ITPR1: variants seen among roughly 807,000 people sequenced by gnomAD.
The protein encoded by ITPR1 is inositol 1,4,5-trisphosphate receptor type 1.
ITPR1 carries 96 observed loss-of-function variants against 318.4 expected under a neutral mutation model. The observed-to-expected ratio is 0.30, with a 90% CI of 0.26 to 0.36. The LOEUF (loss-of-function observed/expected upper bound fraction) is 0.36, where lower values mean the gene tolerates loss of function less well. ITPR1 is among the 10% of genes least tolerant of loss of function. The probability of loss-of-function intolerance (pLI) is 1.00; values close to 1 mark genes in which losing one functional copy is unlikely to be tolerated. For missense variants in ITPR1, 2,440 were observed against 3,460.2 expected, an observed-to-expected ratio of 0.71 and a Z score of 7.40; for synonymous variants, 1,312 against 1,289.9, an observed-to-expected ratio of 1.02 and a Z score of -0.37.
chr3:4,561,831 T>A lies in ITPR1; in HGVS notation c.163+40737T>A, dbSNP rs558865698. On this transcript the variant is annotated intron_variant, in intron 4 of 61. Coordinates refer to ENST00000649015, the MANE Select transcript of ITPR1 (RefSeq NM_001378452.1). The stretch of plus-strand genomic sequence containing the variant: ...TTTAAAATATAAACAGATAACTGTT[T>A]GTTTTGCTCAAAGGTCACATTGAGG... Among the ~76,000 whole-genome samples the A allele has an allele frequency of 8.5e-5, 13 of 152,248 alleles. No homozygotes were observed. The South Asian group carries it at 1.5e-3, about 17-fold the overall frequency.
chr3:4,788,159 C>G lies in ITPR1; in HGVS notation c.6808+20C>G, dbSNP rs2047322717. ...TGAGAGGTGGGTTCCAACGCATCAG[C>G]AACAACACAGAGAGACACAGTTCTG... On this transcript the variant is annotated intron_variant, in intron 52 of 61. Transcript: ENST00000649015. 6.4e-7 allele frequency: 1 copy of G among 1,573,550 alleles called. No individual in the cohort carries two copies. The highest frequency in any genetic ancestry group is 8.7e-7 in the Non-Finnish European group (1 of 1,154,576).
chr3:4,585,593 C>T (rs972932539), intron 4 of ITPR1, among the ~76,000 whole-genome samples: 1 of 151,998 alleles, frequency 6.6e-6, no homozygotes, highest in Non-Finnish European at 1.5e-5. Context: ...TGCACCACCA[C>T]GCCCGGCTAA....
intron 44 of ITPR1, among the ~76,000 whole-genome samples, chr3:4,763,432 G>T (rs1438622959): frequency 6.6e-6 from 1 of 152,100 alleles, no homozygotes; most frequent in Non-Finnish European, 1.5e-5. Context: ...TTGAGGCACT[G>T]GTTGTATATC....
chr3:4,778,569 T>C (rs1352683227), intron 48 of ITPR1, among the ~76,000 whole-genome samples: 1 of 152,258 alleles, frequency 6.6e-6, no homozygotes, highest in Non-Finnish European at 1.5e-5. Flanking sequence ...AATGGACTTT[T>C]TTTCTGCTAT....
chr3:4,820,910 G>T (rs1043382006), intron 60 of ITPR1, among the ~76,000 whole-genome samples: 11 of 152,194 alleles, frequency 7.2e-5, no homozygotes, highest in African/African-American at 2.4e-4. Flanking sequence ...GGGGGCTGGG[G>T]CCCCATGGGA....
At chr3:4,631,716 C>T (rs886425946) in intron 5 of ITPR1, among the ~76,000 whole-genome samples, 1 of 152,028 alleles carries the variant, frequency 6.6e-6, no homozygotes, top group African/African-American at 2.4e-5. Context: ...TTAAGTAGTA[C>T]TTGCACGTTT....
chr3:4,762,915 A>G (rs1316442053), intron 44 of ITPR1, among the ~76,000 whole-genome samples: 1 of 152,254 alleles, frequency 6.6e-6, no homozygotes, highest in Admixed American at 6.5e-5. Flanking sequence ...ACTCTTCATA[A>G]TAGCAAAGAC....
At chr3:4,806,403 G>T (rs2048555729) in intron 55 of ITPR1, 136 bp downstream of exon 55, 1 of 861,690 alleles carries the variant, frequency 1.2e-6, no homozygotes, top group Non-Finnish European at 1.8e-6. Flanking sequence ...TCCACAGTTG[G>T]CAGCCTTTGG....
intron 44 of ITPR1, among the ~76,000 whole-genome samples, chr3:4,738,997 G>T (rs1237712759): frequency 6.6e-6 from 1 of 152,222 alleles, no homozygotes; most frequent in Non-Finnish European, 1.5e-5. Flanking sequence ...GAGGCCGATG[G>T]TTCCAGGAAA....
At chr3:4,775,023 T>C (rs895182966) in intron 46 of ITPR1, among the ~76,000 whole-genome samples, 4 of 152,208 alleles carry the variant, frequency 2.6e-5, no homozygotes, top group Non-Finnish European at 5.9e-5. Context: ...ACTTACACCT[T>C]GGAGAGCAGG....
chr3:4,545,885 C>T (rs1166753191), intron 4 of ITPR1, among the ~76,000 whole-genome samples: 3 of 151,674 alleles, frequency 2.0e-5, no homozygotes, highest in South Asian at 2.1e-4. Context: ...TTTGTAGAGA[C>T]GGGATCTCAC....
intron 45 of ITPR1, among the ~76,000 whole-genome samples, chr3:4,767,687 G>A (rs2045909084): frequency 6.6e-6 from 1 of 152,174 alleles, no homozygotes; most frequent in African/African-American, 2.4e-5. Flanking sequence ...TCTGGCTGAT[G>A]TTTAAAACAA....
intron 4 of ITPR1, among the ~76,000 whole-genome samples, chr3:4,568,566 G>A (rs751319274): frequency 1.3e-5 from 2 of 152,158 alleles, no homozygotes; most frequent in Non-Finnish European, 2.9e-5. Flanking sequence ...AGGCAGGGAT[G>A]GCTTCAAGAT....
At chr3:4,584,856 T>C (rs2089723326) in intron 4 of ITPR1, among the ~76,000 whole-genome samples, 1 of 152,022 alleles carries the variant, frequency 6.6e-6, no homozygotes. Flanking sequence ...TCATAGGAGA[T>C]GAAGCAAATG....
intron 2 of ITPR1, among the ~76,000 whole-genome samples, chr3:4,494,999 G>A (rs2080439183): frequency 6.6e-6 from 1 of 152,188 alleles, no homozygotes; most frequent in Non-Finnish European, 1.5e-5. Context: ...AAAAAGGGAA[G>A]TGAGTTATTG....
chr3:4,690,209 A>G (rs1257904691), intron 31 of ITPR1, among the ~76,000 whole-genome samples: 3 of 152,202 alleles, frequency 2.0e-5, no homozygotes, highest in African/African-American at 7.2e-5. Flanking sequence ...CAGGAGGTGG[A>G]GGTTGCAGTG....
At chr3:4,830,949 G>A (rs2050438402) in intron 60 of ITPR1, 1 of 456,296 alleles carries the variant, frequency 2.2e-6, no homozygotes, top group African/African-American at 2.0e-5. Context: ...AACTCTACCT[G>A]AGCAGACTTT....
At chr3:4,507,033 G>A (rs907892192) in intron 2 of ITPR1, among the ~76,000 whole-genome samples, 10 of 150,596 alleles carry the variant, frequency 6.6e-5, no homozygotes, top group African/African-American at 2.0e-4. Context: ...ACACATTAAC[G>A]TATTGACATA....
intron 4 of ITPR1, among the ~76,000 whole-genome samples, chr3:4,570,626 A>G (rs1013504772): frequency 1.3e-5 from 2 of 152,234 alleles, no homozygotes; most frequent in African/African-American, 4.8e-5. Flanking sequence ...TAAACTTTAA[A>G]ATGATATTTA....
Sources: gnomAD v4.1 joint callset for allele counts (sites outside exome capture counted in the v4.1 genomes callset) on GRCh38, gnomAD v4.1.1 for gene constraint, MANE v1.5 for transcripts, NCBI Gene and HGNC (gene_info 2026-07-23, HGNC 2026-07-21) for gene names.